Variants in RP1 observed in about 807,000 individuals in gnomAD.
RP1 encodes RP1 axonemal microtubule associated, also known as oxygen-regulated protein 1.
Under a neutral mutation model 14.8 loss-of-function variants are expected in RP1, and 16 were observed. The ratio of observed to expected loss-of-function variants is 1.08; its 90% CI spans 0.73 to 1.65. The LOEUF (loss-of-function observed/expected upper bound fraction) is 1.65, where lower values mean the gene tolerates loss of function less well. Among genes scored for constraint, RP1 ranks in the 40% most tolerant of loss-of-function variants. The pLI is 0.00. For synonymous variants in RP1, 876 were observed against 883.6 expected, an observed-to-expected ratio of 0.99 and a Z score of 0.15; for missense variants, 2,631 against 2,535.0, an observed-to-expected ratio of 1.04 and a Z score of -0.81.
At chr8:54,699,532 C>A in exon 13 of RP1, 1 of 1,411,450 alleles carries the variant, frequency 7.1e-7, no homozygotes, top group Non-Finnish European at 9.3e-7. Flanking sequence ...GATGAGGCAT[C>A]TTTCTCTTGC....
intron 22 of RP1, among the ~76,000 whole-genome samples, chr8:54,762,864 A>G (rs1472735173): frequency 6.6e-6 from 1 of 151,504 alleles, no homozygotes; most frequent in Admixed American, 6.6e-5. Context: ...CAGCTGCATC[A>G]CTCCAGCCTC....
chr8:54,641,272 A>C (rs1172998682), intron 3 of RP1, among the ~76,000 whole-genome samples: 1 of 152,038 alleles, frequency 6.6e-6, no homozygotes, highest in African/African-American at 2.4e-5. Context: ...CACCATTGTA[A>C]TCCAGTGGCT....
intron 1 of RP1, among the ~76,000 whole-genome samples, chr8:54,610,559 G>T (rs960067507): frequency 6.6e-6 from 1 of 152,118 alleles, no homozygotes; most frequent in Non-Finnish European, 1.5e-5. Context: ...TGTCTAATAT[G>T]CTTTTCAAGG....
chr8:54,622,187 C>G lies in RP1; in HGVS notation c.686C>G (p.Pro229Arg). 3 of 1,614,168 alleles carry G rather than the reference C, an allele frequency of 1.9e-6. No homozygotes were observed. Among genetic ancestry groups the G allele is most frequent in the Non-Finnish European group, 2.5e-6 (3 of 1,180,032 alleles). The change falls in exon 3 of 4, where the codon CCA (proline) becomes CGA (arginine). Residue 229 changes from proline (P) to arginine (R), a missense_variant. Pro to Arg is a moderately radical substitution (Grantham distance 103). Coordinates refer to ENST00000220676, the MANE Select transcript of RP1 (RefSeq NM_006269.2). ...VVAAGREPFK[P>R]GNYDIQKYLL... ...GCGGCAGGAAGGGAGCCATTTAAAC[C>G]AGGAAATTATGACATCCAAAAATAC...
chr8:54,706,985 G>T (rs1808166607), intron 15 of RP1, among the ~76,000 whole-genome samples: 1 of 152,130 alleles, frequency 6.6e-6, no homozygotes, highest in Non-Finnish European at 1.5e-5. Flanking sequence ...TGCTGATGCT[G>T]GTCCATGAAT....
At chr8:54,852,848 G>T in intron 26 of RP1, 4 of 683,450 alleles carry the variant, frequency 5.9e-6, no homozygotes, top group Non-Finnish European at 8.2e-6. Context: ...AGGAATTCAG[G>T]GAGGTGTGGT....
At chr8:54,719,827 T>A (rs1299575469) in intron 15 of RP1, among the ~76,000 whole-genome samples, 1 of 152,234 alleles carries the variant, frequency 6.6e-6, no homozygotes, top group African/African-American at 2.4e-5. Context: ...CATTCACCCA[T>A]AGAGGTGAGC....
rs965465735 is a variant in RP1 at position 54,603,386 on chromosome 8, C to T, written c.-12-17569C>T. Among the ~76,000 whole-genome samples, 53 of 152,186 alleles carry T rather than the reference C, an allele frequency of 3.5e-4. 1 individual carries two copies. The highest frequency in any genetic ancestry group is 3.2e-3 in the Admixed American group (49 of 15,292). The stretch of plus-strand genomic sequence containing the variant: ...TATTTCTGAGGGCTCTGTTCTGTTC[C>T]GTTGGTCTATATCTCTGTTTTGGTA... On this transcript the variant is annotated intron_variant, in intron 1 of 22. Coordinates refer to the RP1 transcript ENST00000636932.
At chr8:54,652,412 G>A (rs1290816266) in intron 4 of RP1, among the ~76,000 whole-genome samples, 3 of 152,042 alleles carry the variant, frequency 2.0e-5, no homozygotes, top group Non-Finnish European at 4.4e-5. Context: ...CCTGGAGAAC[G>A]TTCCATGTGT....
chr8:54,559,835 TGAG>T lies in RP1; in HGVS notation c.-13+516_-13+518del, dbSNP rs1424724631. The stretch of plus-strand genomic sequence containing the variant: ...ATGATAAAGGATGACTATTAGAGAC[TGAG>T]AAAGGCCACAGCAAAGAATGTAAAA... On this transcript the variant is annotated intron_variant, in intron 1 of 22. Transcript: ENST00000636932. Among the ~76,000 whole-genome samples, 7 of 151,928 alleles carry T rather than the reference TGAG, an allele frequency of 4.6e-5. No homozygotes were observed. In the East Asian group the frequency reaches 1.3e-3, roughly 29 times the overall value.
At chr8:54,564,439 A>G (rs6473944) in intron 1 of RP1, among the ~76,000 whole-genome samples, 123,438 of 152,044 alleles carry the variant, frequency 0.81, 50,839 homozygotes, top group Non-Finnish European at 0.89. Context: ...AAAACACAGA[A>G]TGGAAGTACT....
intron 1 of RP1, among the ~76,000 whole-genome samples, chr8:54,589,618 C>T (rs1805000664): frequency 6.6e-6 from 1 of 152,164 alleles, no homozygotes; most frequent in Non-Finnish European, 1.5e-5. Flanking sequence ...ACTGTTAAGT[C>T]TGCACTTTGC....
At position 54,871,026 on chromosome 8, in the gene RP1, T is replaced by G. The variant is rs532087868; in HGVS notation, c.*1084T>G. ...AAGGAGGCAAATCTTGCATACCACCTTCATGATTTTTGTCGTCTGCAATAG... is the reference window on the plus strand; with the variant it reads ...AAGGAGGCAAATCTTGCATACCACCGTCATGATTTTTGTCGTCTGCAATAG... On this transcript the variant is annotated 3_prime_UTR_variant, in exon 29 of 29. Transcript: ENST00000637698. The G allele has an allele frequency of 5.3e-5, 8 of 152,242 alleles. No individual in the cohort carries two copies. The South Asian group carries it at 1.7e-3, about 32-fold the overall frequency. The allele number at this position is 152,242 out of a possible 1,614,324, so 9.4% of individuals were successfully genotyped here.
chr8:54,642,890 T>G (rs1203077500), intron 3 of RP1, among the ~76,000 whole-genome samples: 1 of 152,172 alleles, frequency 6.6e-6, no homozygotes, highest in Admixed American at 6.5e-5. Context: ...GTTTTAAAAC[T>G]AAAGATTTTT....
At chr8:54,660,358 T>G (rs1585586997) in intron 6 of RP1, among the ~76,000 whole-genome samples, 2 of 152,226 alleles carry the variant, frequency 1.3e-5, no homozygotes, top group East Asian at 3.8e-4. Context: ...TTTCCTTCTT[T>G]TCCTAGTTTG....
At chr8:54,750,759 A>G (rs1276121949) in intron 19 of RP1, among the ~76,000 whole-genome samples, 1 of 152,234 alleles carries the variant, frequency 6.6e-6, no homozygotes, top group Non-Finnish European at 1.5e-5. Context: ...AGAGGATTGT[A>G]AAATGCACCA....
At chr8:54,792,538 C>T (rs994977829) in intron 24 of RP1, among the ~76,000 whole-genome samples, 9 of 151,544 alleles carry the variant, frequency 5.9e-5, no homozygotes, top group African/African-American at 7.3e-5. Context: ...TGAAACTCAA[C>T]GTAAATGACA....
At chr8:54,799,676 C>A (rs1268994197) in intron 24 of RP1, among the ~76,000 whole-genome samples, 2 of 151,378 alleles carry the variant, frequency 1.3e-5, no homozygotes, top group African/African-American at 4.8e-5. Context: ...TACTGGTTTC[C>A]CCATGGTTTA....
At chr8:54,754,373 T>C (rs1171113894) in intron 19 of RP1, among the ~76,000 whole-genome samples, 21 of 152,100 alleles carry the variant, frequency 1.4e-4, no homozygotes, top group Admixed American at 1.4e-3. Context: ...CAGGTGAAAT[T>C]GAGAGCTTTG....
Sources: allele counts gnomAD v4.1 joint callset (sites outside exome capture counted in the v4.1 genomes callset), GRCh38; gene constraint gnomAD v4.1.1; transcripts MANE v1.5; gene names NCBI Gene and HGNC (gene_info 2026-07-23, HGNC 2026-07-21).